The following TSHZ2 variants were observed in gnomAD, a reference collection of about 807,000 sequenced individuals.
The protein encoded by TSHZ2 is teashirt zinc finger homeobox 2.
In TSHZ2, 21 loss-of-function variants were observed where a neutral mutation model predicts 74.4. The observed-to-expected ratio is 0.28, with a 90% CI of 0.20 to 0.41. The LOEUF (loss-of-function observed/expected upper bound fraction) is 0.41, where lower values mean the gene tolerates loss of function less well. Among genes scored for constraint, TSHZ2 ranks in the 10% least tolerant of loss-of-function variants. TSHZ2 has a pLI of 1.00. For missense variants in TSHZ2, 1,244 were observed against 1,293.5 expected (o/e 0.96, Z 0.59); for synonymous variants, 540 against 515.3 (o/e 1.05, Z -0.65).
intron 2 of TSHZ2, among the ~76,000 whole-genome samples, chr20:53,271,747 G>C (rs1990844568): frequency 6.6e-6 from 1 of 152,212 alleles, no homozygotes; most frequent in Non-Finnish European, 1.5e-5. Context: ...TGTTAAGTGA[G>C]AGAGAGGGTG....
chr20:53,265,219 C>T (rs548514430), intron 2 of TSHZ2, among the ~76,000 whole-genome samples: 1 of 152,272 alleles, frequency 6.6e-6, no homozygotes, highest in Admixed American at 6.5e-5. Context: ...ACAGACTTCA[C>T]ATATCCAAAG....
chr20:53,047,222 T>G (rs1984260756), intron 1 of TSHZ2, among the ~76,000 whole-genome samples: 1 of 152,252 alleles, frequency 6.6e-6, no homozygotes, highest in South Asian at 2.1e-4. Context: ...TCCTGAAAGA[T>G]AACATGACTT....
chr20:53,474,047 C>T (rs6063951), intron 2 of TSHZ2, among the ~76,000 whole-genome samples: 64,139 of 149,310 alleles, frequency 0.43, 14,053 homozygotes, highest in East Asian at 0.46. Flanking sequence ...TACCTGAAAG[C>T]GATGGAGAGA....
intron 1 of TSHZ2, among the ~76,000 whole-genome samples, chr20:53,021,098 T>C (rs2123033025): frequency 6.6e-6 from 1 of 152,338 alleles, no homozygotes; most frequent in Admixed American, 6.5e-5. Flanking sequence ...GACCAAACCA[T>C]GGCAGTTTAA....
chr20:53,436,703 G>A (rs947659961), intron 2 of TSHZ2, among the ~76,000 whole-genome samples: 37 of 151,244 alleles, frequency 2.4e-4, no homozygotes, highest in African/African-American at 8.3e-4. Context: ...CTTCCACCAC[G>A]TCCGGCTAAT....
chr20:53,183,553 C>T (rs1988531622), intron 1 of TSHZ2, among the ~76,000 whole-genome samples: 1 of 152,130 alleles, frequency 6.6e-6, no homozygotes, highest in East Asian at 1.9e-4. Context: ...GGATTCAAGG[C>T]TCAGCTGTGT....
chr20:53,411,877 T>G (rs1983066715), intron 2 of TSHZ2, among the ~76,000 whole-genome samples: 1 of 152,118 alleles, frequency 6.6e-6, no homozygotes, highest in Admixed American at 6.5e-5. Context: ...ATAGATGGAA[T>G]TAAATTAGCC....
In TSHZ2 at chr20:53,255,295, G is replaced by A. The variant is rs761847741; in HGVS notation, c.1837G>A (p.Glu613Lys). 1 of 1,614,208 alleles carries A rather than the reference G, an allele frequency of 6.2e-7. No homozygotes were observed. Among genetic ancestry groups the A allele is most frequent in the South Asian group, 1.1e-5 (1 of 91,084 alleles). The change falls in exon 2 of 3, where the codon GAG (glutamate) becomes AAG (lysine). Residue 613 changes from glutamate to lysine, a missense_variant. Glu to Lys is a moderately conservative substitution (Grantham distance 56). Transcript: ENST00000371497. The surrounding 1 kb of genome is among the most constrained non-coding windows in gnomAD (Gnocchi z 4.1). ...AGAAGACAAAGATGAAGCGGTGAAG[G>A]AGTGTGGGAAAGAAAGTCCCCACGA... ...ESEDKDEAVK[E>K]CGKESPHEEA...
chr20:53,090,346 C>T (rs1453325189), intron 1 of TSHZ2, among the ~76,000 whole-genome samples: 3 of 152,164 alleles, frequency 2.0e-5, no homozygotes, highest in South Asian at 4.1e-4. Context: ...CAATACTTGG[C>T]GTCCTTCAAT....
intron 2 of TSHZ2, among the ~76,000 whole-genome samples, chr20:53,481,646 T>C (rs1986153283): frequency 6.6e-6 from 1 of 152,104 alleles, no homozygotes; most frequent in Non-Finnish European, 1.5e-5. Context: ...GTCCAAGATT[T>C]GGATCTTCTC....
intron 1 of TSHZ2, among the ~76,000 whole-genome samples, chr20:53,219,361 T>C (rs963861131): frequency 1.3e-5 from 2 of 152,234 alleles, no homozygotes; most frequent in African/African-American, 4.8e-5. Context: ...GCAGTGTTGC[T>C]TTTTTCTTCT....
At chr20:53,469,695 A>AG (rs1985716695) in intron 2 of TSHZ2, among the ~76,000 whole-genome samples, 1 of 96,302 alleles carries the variant, frequency 1.0e-5, no homozygotes, top group Non-Finnish European at 2.1e-5. Flanking sequence ...GACGGACCCA[A>AG]GAAAGATAGA....
intron 1 of TSHZ2, among the ~76,000 whole-genome samples, chr20:53,125,262 G>T (rs562100892): frequency 6.6e-6 from 1 of 152,224 alleles, no homozygotes; most frequent in South Asian, 2.1e-4. Flanking sequence ...ATTGTGAAAG[G>T]CCGTAGAGGA....
chr20:53,083,218 G>A (rs763307465), intron 1 of TSHZ2, among the ~76,000 whole-genome samples: 2 of 152,100 alleles, frequency 1.3e-5, no homozygotes, highest in Admixed American at 6.5e-5. Flanking sequence ...CTGTGCAATC[G>A]TCCAACCAAT....
chr20:52,989,593 T>C (rs1420298181), intron 1 of TSHZ2, among the ~76,000 whole-genome samples: 1 of 152,222 alleles, frequency 6.6e-6, no homozygotes, highest in Non-Finnish European at 1.5e-5. Flanking sequence ...CTTACTTCCA[T>C]GCACTATTAT....
intron 2 of TSHZ2, among the ~76,000 whole-genome samples, chr20:53,301,834 T>A (rs568695610): frequency 1.3e-5 from 2 of 152,294 alleles, no homozygotes; most frequent in African/African-American, 4.8e-5. Flanking sequence ...GCAGCGCCAT[T>A]TGACGGGAGA....
chr20:53,451,722 A>G (rs1282920268), intron 2 of TSHZ2, among the ~76,000 whole-genome samples: 2 of 152,112 alleles, frequency 1.3e-5, no homozygotes, highest in East Asian at 1.9e-4. Context: ...TTTCTCTATC[A>G]TGCTTCCCTC....
intron 1 of TSHZ2, among the ~76,000 whole-genome samples, chr20:52,986,588 G>T (rs1232397571): frequency 6.6e-6 from 1 of 151,354 alleles, no homozygotes; most frequent in Non-Finnish European, 1.5e-5. Context: ...AATTAGCCAG[G>T]CGTGATGGGG....
intron 2 of TSHZ2, among the ~76,000 whole-genome samples, chr20:53,434,428 A>C (rs546744345): frequency 6.6e-6 from 1 of 152,318 alleles, no homozygotes; most frequent in South Asian, 2.1e-4. Context: ...GGGAGACAAG[A>C]GTAACTCATA....
Sources: gnomAD v4.1 joint callset for allele counts (sites outside exome capture counted in the v4.1 genomes callset) on GRCh38, gnomAD v4.1.1 for gene constraint, Gnocchi (gnomAD v3.1) non-coding constraint, MANE v1.5 for transcripts, NCBI Gene and HGNC (gene_info 2026-07-23, HGNC 2026-07-21) for gene names.